RALGAPA2: variants seen among roughly 807,000 people sequenced by gnomAD.
RALGAPA2 encodes Ral GTPase activating protein catalytic subunit alpha 2, also known as ral GTPase-activating protein subunit alpha-2.
In RALGAPA2, 139 loss-of-function variants were observed where a neutral mutation model predicts 230.4. That is an observed-to-expected ratio of 0.60 (90% CI 0.53 to 0.69). The LOEUF is 0.69. RALGAPA2 is among the 30% of genes least tolerant of loss of function. The pLI is 0.00. For synonymous variants in RALGAPA2, 847 were observed against 837.8 expected (o/e 1.01, Z -0.19); for missense variants, 2,163 against 2,276.0 (o/e 0.95, Z 1.01).
At chr20:20,682,533 G>A (rs879841427) in intron 1 of RALGAPA2, among the ~76,000 whole-genome samples, 1 of 152,040 alleles carries the variant, frequency 6.6e-6, no homozygotes, top group Non-Finnish European at 1.5e-5. Context: ...CCAAGACTAG[G>A]TCTGCACCTC....
At chr20:20,587,952 C>G (rs2065179715) in intron 18 of RALGAPA2, among the ~76,000 whole-genome samples, 1 of 151,762 alleles carries the variant, frequency 6.6e-6, no homozygotes, top group African/African-American at 2.4e-5. Flanking sequence ...ACTCAGTTGA[C>G]CAATAAAAAT....
intron 37 of RALGAPA2, among the ~76,000 whole-genome samples, chr20:20,464,106 T>C (rs1027029739): frequency 5.3e-5 from 8 of 152,180 alleles, no homozygotes; most frequent in African/African-American, 1.4e-4. Context: ...TGAGATTTCT[T>C]CCACAACCTT....
chr20:20,629,324 C>A (rs1346565168), intron 10 of RALGAPA2, 39 bp downstream of exon 10: 1 of 603,876 alleles, frequency 1.7e-6, no homozygotes, highest in Non-Finnish European at 2.3e-6. Flanking sequence ...ACTTGTAACA[C>A]ACACACACAC....
At chr20:20,637,760 C>T (rs985176795) in intron 7 of RALGAPA2, among the ~76,000 whole-genome samples, 2 of 152,178 alleles carry the variant, frequency 1.3e-5, no homozygotes, top group Non-Finnish European at 2.9e-5. Context: ...TCTTTTATAA[C>T]GTGCTGTAAT....
rs566096142 is a variant in RALGAPA2, at chr20:20,557,495, C to T, written c.3157-10663G>A. On this transcript the variant is annotated intron_variant, in intron 23 of 39. Transcript: ENST00000202677. The stretch of plus-strand genomic sequence containing the variant: ...AGAATGCATCTACTAGAAATATATT[C>T]TTCTTAGAATATTAAAAAGAAACAC... Among the ~76,000 whole-genome samples the T allele has an allele frequency of 2.6e-5, 4 of 152,208 alleles. No homozygotes were observed. In the East Asian group the frequency reaches 7.7e-4, roughly 29 times the overall value.
chr20:20,593,891 C>T (rs1212517608), intron 16 of RALGAPA2, among the ~76,000 whole-genome samples: 3 of 152,220 alleles, frequency 2.0e-5, no homozygotes, highest in African/African-American at 4.8e-5. Context: ...GAGAGCCTGC[C>T]ACCACCAGCT....
intron 27 of RALGAPA2, among the ~76,000 whole-genome samples, chr20:20,528,935 A>G (rs1221802689): frequency 6.6e-6 from 1 of 152,168 alleles, no homozygotes; most frequent in Non-Finnish European, 1.5e-5. Flanking sequence ...GCAGAGCCCC[A>G]AAGCCTCCTA....
At chr20:20,518,811 C>T (rs112272481) in intron 31 of RALGAPA2, among the ~76,000 whole-genome samples, 58 of 152,058 alleles carry the variant, frequency 3.8e-4, no homozygotes, top group Non-Finnish European at 7.5e-4. Context: ...TGGGGATATA[C>T]TCATGTGGAT....
chr20:20,499,132 T>C (rs1201126735), intron 35 of RALGAPA2, among the ~76,000 whole-genome samples: 2 of 152,196 alleles, frequency 1.3e-5, no homozygotes, highest in African/African-American at 4.8e-5. Context: ...GGGCTGCTGT[T>C]ACTGTGACTG....
At chr20:20,614,780 T>C (rs766831393) in intron 13 of RALGAPA2, among the ~76,000 whole-genome samples, 13 of 152,188 alleles carry the variant, frequency 8.5e-5, no homozygotes, top group Non-Finnish European at 1.3e-4. Flanking sequence ...GTGTCCATGG[T>C]TTCCTACCAA....
chr20:20,483,031 T>C (rs1301846348), intron 36 of RALGAPA2, among the ~76,000 whole-genome samples: 2 of 152,168 alleles, frequency 1.3e-5, no homozygotes, highest in Non-Finnish European at 1.5e-5. Context: ...TTTTACTTAA[T>C]GGAAAGGCTG....
At chr20:20,448,266 G>A (rs1408611537) in intron 37 of RALGAPA2, among the ~76,000 whole-genome samples, 1 of 152,200 alleles carries the variant, frequency 6.6e-6, no homozygotes, top group Non-Finnish European at 1.5e-5. Flanking sequence ...TCTAGGACTT[G>A]AGAGTACTTG....
At chr20:20,515,483 T>TA (rs985738458) in intron 31 of RALGAPA2, among the ~76,000 whole-genome samples, 8 of 152,046 alleles carry the variant, frequency 5.3e-5, no homozygotes, top group African/African-American at 1.9e-4. Context: ...ATGAGACAGG[T>TA]AAAAAACTAT....
At chr20:20,685,255 A>G (rs1001762632) in intron 1 of RALGAPA2, among the ~76,000 whole-genome samples, 1 of 152,196 alleles carries the variant, frequency 6.6e-6, no homozygotes, top group Non-Finnish European at 1.5e-5. Flanking sequence ...AAATTCAAAG[A>G]GAATAAGACC....
intron 37 of RALGAPA2, among the ~76,000 whole-genome samples, chr20:20,443,410 G>A (rs767441193): frequency 2.0e-5 from 3 of 152,180 alleles, no homozygotes; most frequent in African/African-American, 4.8e-5. Context: ...GGGCATGGGA[G>A]AACTATGAAA....
At chr20:20,477,363 T>A (rs1213012595) in intron 36 of RALGAPA2, among the ~76,000 whole-genome samples, 1 of 152,178 alleles carries the variant, frequency 6.6e-6, no homozygotes, top group African/African-American at 2.4e-5. Flanking sequence ...AGAATACTTT[T>A]TAAAAAGTGA....
At chr20:20,686,248 A>T (rs944661243) in intron 1 of RALGAPA2, among the ~76,000 whole-genome samples, 17 of 152,170 alleles carry the variant, frequency 1.1e-4, no homozygotes, top group African/African-American at 4.1e-4. Flanking sequence ...ATTTCATCTT[A>T]AAAATAGGGC....
At chr20:20,633,716 G>A (rs1413709388) in intron 9 of RALGAPA2, among the ~76,000 whole-genome samples, 5 of 152,108 alleles carry the variant, frequency 3.3e-5, no homozygotes, top group Non-Finnish European at 7.4e-5. Context: ...CTGACCTCAT[G>A]ATCTGCCTGC....
intron 37 of RALGAPA2, among the ~76,000 whole-genome samples, chr20:20,419,531 A>T (rs1312903690): frequency 6.6e-6 from 1 of 152,214 alleles, no homozygotes; most frequent in Non-Finnish European, 1.5e-5. Flanking sequence ...AAATTTTCAG[A>T]AAGTTGTGGG....
Sources: allele counts gnomAD v4.1 joint callset (sites outside exome capture counted in the v4.1 genomes callset), GRCh38; gene constraint gnomAD v4.1.1; transcripts MANE v1.5; gene names NCBI Gene and HGNC (gene_info 2026-07-23, HGNC 2026-07-21).